The following EYS variants were observed in gnomAD, a reference collection of about 807,000 sequenced individuals.
The protein encoded by EYS is protein eyes shut homolog.
Under a neutral mutation model 282.1 loss-of-function variants are expected in EYS, and 250 were observed. The observed-to-expected ratio is 0.89, with a 90% CI of 0.80 to 0.98. EYS has a LOEUF of 0.98. EYS is among the 50% of genes least tolerant of loss of function. EYS has a pLI of 0.00. For synonymous variants in EYS, 1,355 were observed against 1,282.9 expected (o/e 1.06, Z -1.20); for missense variants, 4,016 against 3,709.0 (o/e 1.08, Z -2.15).
intron 26 of EYS, among the ~76,000 whole-genome samples, chr6:64,586,906 A>G (rs912248028): frequency 1.6e-4 from 24 of 152,130 alleles, no homozygotes; most frequent in African/African-American, 5.3e-4. Flanking sequence ...TAGAAAAAAT[A>G]GAGTTATATT....
chr6:64,764,344 T>C (rs995832663), intron 22 of EYS, among the ~76,000 whole-genome samples: 2 of 152,182 alleles, frequency 1.3e-5, no homozygotes, highest in African/African-American at 4.8e-5. Flanking sequence ...CAACACCACG[T>C]GGAAGCTGCC....
intron 26 of EYS, among the ~76,000 whole-genome samples, chr6:64,465,146 T>C (rs1053697419): frequency 3.9e-5 from 6 of 152,100 alleles, no homozygotes; most frequent in African/African-American, 1.4e-4. Context: ...CCTTTGTTCA[T>C]ATGTTTGAAG....
chr6:64,410,717 T>C lies in EYS; in HGVS notation c.5928-21877A>G, dbSNP rs557587493. ...TTGTCTTTTAGAGTAATATGACAAA[T>C]AAAACACATCAACTCTAGCCAGAAC... is the stretch of plus-strand genomic sequence containing the variant. On this transcript the variant is annotated intron_variant, in intron 28 of 42. Coordinates refer to ENST00000503581, the MANE Select transcript of EYS (RefSeq NM_001142800.2). Among the ~76,000 whole-genome samples, 5 of 152,200 alleles carry C rather than the reference T, an allele frequency of 3.3e-5. No homozygotes were observed. In the South Asian group the frequency reaches 1.0e-3, roughly 32 times the overall value.
intron 22 of EYS, among the ~76,000 whole-genome samples, chr6:64,759,756 T>C (rs1773097253): frequency 6.6e-6 from 1 of 152,088 alleles, no homozygotes; most frequent in South Asian, 2.1e-4. Context: ...CAAGAGAAAA[T>C]ATTAACAATT....
chr6:64,715,681 A>G (rs1162936940), intron 22 of EYS, among the ~76,000 whole-genome samples: 1 of 152,238 alleles, frequency 6.6e-6, no homozygotes, highest in Non-Finnish European at 1.5e-5. Context: ...ACCCTGGCTC[A>G]GTCTCTTTCA....
chr6:64,909,798 A>G (rs1347427793), intron 16 of EYS, among the ~76,000 whole-genome samples: 1 of 152,018 alleles, frequency 6.6e-6, no homozygotes, highest in Non-Finnish European at 1.5e-5. Flanking sequence ...TTTTTACTAT[A>G]TATTTCAATC....
chr6:64,375,398 T>TGAGTTAAA (rs1208788099), intron 29 of EYS, among the ~76,000 whole-genome samples: 2 of 152,170 alleles, frequency 1.3e-5, no homozygotes, highest in Non-Finnish European at 2.9e-5. Context: ...ATTGAAAACA[T>TGAGTTAAA]GAGTTAAAGA....
At position 65,403,659 on chromosome 6, in the gene EYS, C is replaced by A. The variant is rs186735758; in HGVS notation, c.1057-1054G>T. On this transcript the variant is annotated intron_variant, in intron 6 of 42. Transcript: ENST00000503581. ...CAAGTAATTTATCTACAAAATAATTCTTCTAATGAATAATAGAGAATATTA... is the reference window on the plus strand; with the variant it reads ...CAAGTAATTTATCTACAAAATAATTATTCTAATGAATAATAGAGAATATTA... Among the ~76,000 whole-genome samples, 426 of 151,494 alleles carry A rather than the reference C, an allele frequency of 2.8e-3. 6 individuals carry two copies. The highest frequency in any genetic ancestry group is 6.5e-4 in the Non-Finnish European group (44 of 67,824).
intron 2 of EYS, among the ~76,000 whole-genome samples, chr6:65,590,743 G>T (rs2127367579): frequency 6.6e-6 from 1 of 151,882 alleles, no homozygotes; most frequent in African/African-American, 2.4e-5. Context: ...TTCTATGCCT[G>T]GCTTGTTTCA....
At chr6:64,514,830 G>A (rs1014809225) in intron 26 of EYS, among the ~76,000 whole-genome samples, 3 of 151,744 alleles carry the variant, frequency 2.0e-5, no homozygotes, top group Admixed American at 6.6e-5. Context: ...GCATTAAAGA[G>A]GTGGGAGGAC....
chr6:64,345,664 C>T (rs932514958), intron 29 of EYS, among the ~76,000 whole-genome samples: 2 of 152,128 alleles, frequency 1.3e-5, no homozygotes, highest in South Asian at 2.1e-4. Context: ...GTCTAAAACA[C>T]CAAAAGCAAT....
At chr6:63,887,851 G>A (rs1439144123) in intron 35 of EYS, among the ~76,000 whole-genome samples, 1 of 152,214 alleles carries the variant, frequency 6.6e-6, no homozygotes, top group African/African-American at 2.4e-5. Flanking sequence ...AGGGAGCCAA[G>A]TGGTCTTGCT....
chr6:65,146,665 GTTTC>G (rs1392727032), intron 12 of EYS, among the ~76,000 whole-genome samples: 1 of 151,732 alleles, frequency 6.6e-6, no homozygotes, highest in Middle Eastern at 3.2e-3. Flanking sequence ...AAAACTATTG[GTTTC>G]TTTTACAAAA....
At chr6:65,555,983 A>G (rs548315634) in intron 2 of EYS, among the ~76,000 whole-genome samples, 2 of 152,356 alleles carry the variant, frequency 1.3e-5, no homozygotes, top group African/African-American at 4.8e-5. Flanking sequence ...TAGAAATTTT[A>G]AAATTGCATA....
rs938204438 is a variant in EYS, at chr6:65,437,301, T to A, written c.863-31934A>T. ...AGGATTAAAGAGAGAAAAACATATA[T>A]TAGTGTTTTTTAATGGTAACATGAG... On this transcript the variant is annotated intron_variant, in intron 5 of 42. Transcript: ENST00000503581. Among the ~76,000 whole-genome samples the A allele has an allele frequency of 2.7e-5, 4 of 149,332 alleles. No homozygotes were observed. The Admixed American group carries it at 2.7e-4, about 10-fold the overall frequency.
chr6:65,540,385 C>T (rs1357000978), intron 2 of EYS, among the ~76,000 whole-genome samples: 3 of 152,040 alleles, frequency 2.0e-5, no homozygotes, highest in Admixed American at 6.5e-5. Context: ...TTCAGCAATG[C>T]CATATTTGTT....
intron 29 of EYS, among the ~76,000 whole-genome samples, chr6:64,327,565 C>A (rs772466933): frequency 1.3e-5 from 2 of 152,068 alleles, no homozygotes; most frequent in Non-Finnish European, 2.9e-5. Flanking sequence ...ACAGCCTGGG[C>A]ACCCAGATCA....
At chr6:64,150,806 A>G (rs1272054639) in intron 31 of EYS, among the ~76,000 whole-genome samples, 2 of 152,140 alleles carry the variant, frequency 1.3e-5, no homozygotes, top group African/African-American at 4.8e-5. Context: ...GACCCTCTCG[A>G]TGTCAAGAAA....
chr6:64,952,758 A>G (rs577525951), intron 14 of EYS, among the ~76,000 whole-genome samples: 19 of 152,220 alleles, frequency 1.2e-4, no homozygotes, highest in Non-Finnish European at 2.1e-4. Context: ...TTATGTACAT[A>G]TAAGCTGTAT....
Sources: allele counts gnomAD v4.1 joint callset (sites outside exome capture counted in the v4.1 genomes callset), GRCh38; gene constraint gnomAD v4.1.1; transcripts MANE v1.5; gene names NCBI Gene and HGNC (gene_info 2026-07-23, HGNC 2026-07-21).